ABLIM1: variants seen among roughly 807,000 people sequenced by gnomAD.
The protein encoded by ABLIM1 is actin-binding LIM protein 1.
In ABLIM1, 40 loss-of-function variants were observed where a neutral mutation model predicts 107.0. That is an observed-to-expected ratio of 0.37 (90% confidence interval 0.29 to 0.49). ABLIM1 has a LOEUF of 0.49. ABLIM1 is among the 20% of genes least tolerant of loss of function. The probability of loss-of-function intolerance (pLI) is 0.97; values close to 1 mark genes in which losing one functional copy is unlikely to be tolerated. For synonymous variants in ABLIM1, 357 were observed against 357.3 expected (o/e 1.00, Z 0.01); for missense variants, 857 against 1,008.5 (o/e 0.85, Z 2.04).
intron 4 of ABLIM1, among the ~76,000 whole-genome samples, chr10:114,567,069 G>A (rs1226850319): frequency 6.6e-6 from 1 of 152,116 alleles, no homozygotes; most frequent in Non-Finnish European, 1.5e-5. Flanking sequence ...ACTGTCTGGT[G>A]GTTTCCATTC....
chr10:114,512,169 A>C (rs1565718910), intron 6 of ABLIM1, among the ~76,000 whole-genome samples: 1 of 152,224 alleles, frequency 6.6e-6, no homozygotes, highest in Non-Finnish European at 1.5e-5. Context: ...GGGTCTATTA[A>C]AGACAGGAGC....
At chr10:114,614,694 C>A (rs1373329372) in intron 1 of ABLIM1, among the ~76,000 whole-genome samples, 1 of 152,098 alleles carries the variant, frequency 6.6e-6, no homozygotes, top group Admixed American at 6.6e-5. Context: ...ATTAGGATAT[C>A]CCTATGAGTA....
chr10:114,610,501 C>G (rs2076733876), intron 1 of ABLIM1: 1 of 152,206 alleles, frequency 6.6e-6, no homozygotes, highest in Non-Finnish European at 1.5e-5. Context: ...AAACACATAT[C>G]ACAGAGATGT....
chr10:114,670,775 G>A (rs1355545552), intron 1 of ABLIM1, among the ~76,000 whole-genome samples: 3 of 152,232 alleles, frequency 2.0e-5, no homozygotes, highest in African/African-American at 4.8e-5. Context: ...GATTATAGGC[G>A]TAAGCCTCTG....
At chr10:114,445,468 T>C (rs1322030004) in intron 15 of ABLIM1, 65 bp from the exon 16 acceptor site, 27 of 1,358,700 alleles carry the variant, frequency 2.0e-5, no homozygotes, top group Non-Finnish European at 2.7e-5. Context: ...AACGGGCTAG[T>C]CCATCTGTGT....
Position 114,447,983 on chromosome 10 carries a change from G to A in ABLIM1, c.1632C>T (p.Ile544=), listed in dbSNP as rs759037324. The A allele has an allele frequency of 3.7e-6, 6 of 1,614,130 alleles. No individual in the cohort carries two copies. The highest frequency in any genetic ancestry group is 3.3e-5 in the Admixed American group (2 of 60,006). The stretch of plus-strand genomic sequence containing the variant: ...CTGCTGGGAACTTGGAAAACTTGAT[G>A]ATATCTTCTGAGGACTTGCTCTGGG... ...LAAQSKSSED[I]IKFSKFPAAQ... The change falls in exon 15 of 23, where the codon ATC becomes ATT. Residue 544 remains isoleucine, a synonymous_variant. Coordinates refer to ENST00000533213, the MANE Select transcript of ABLIM1 (RefSeq NM_002313.7).
chr10:114,772,808 A>AAT (rs1485388926), upstream of ABLIM1, among the ~76,000 whole-genome samples: 1 of 152,158 alleles, frequency 6.6e-6, no homozygotes, highest in Non-Finnish European at 1.5e-5. Flanking sequence ...CAAGAGATAA[A>AAT]ATATATATAA....
intron 6 of ABLIM1, among the ~76,000 whole-genome samples, chr10:114,527,870 C>T (rs2065015208): frequency 6.8e-6 from 1 of 147,328 alleles, no homozygotes; most frequent in Non-Finnish European, 1.5e-5. Flanking sequence ...CGGAGTCTCG[C>T]TCTGTTGCCC....
intron 4 of ABLIM1, among the ~76,000 whole-genome samples, chr10:114,566,269 A>G (rs1371507951): frequency 6.6e-6 from 1 of 152,154 alleles, no homozygotes; most frequent in Non-Finnish European, 1.5e-5. Flanking sequence ...GCCATCAGAC[A>G]CTAGTCAGAC....
At chr10:114,640,348 G>A (rs922892292) in intron 1 of ABLIM1, among the ~76,000 whole-genome samples, 6 of 152,182 alleles carry the variant, frequency 3.9e-5, no homozygotes, top group African/African-American at 1.4e-4. Context: ...CCAACATGGC[G>A]AAACCTCGTC....
chr10:114,512,194 G>GT (rs1036317004), intron 6 of ABLIM1, among the ~76,000 whole-genome samples: 3 of 152,134 alleles, frequency 2.0e-5, no homozygotes, highest in Admixed American at 2.0e-4. Context: ...ACAAAAGGAT[G>GT]TTTTTTTCCT....
chr10:114,680,487 A>G (rs2080699445), intron 1 of ABLIM1, among the ~76,000 whole-genome samples: 1 of 152,230 alleles, frequency 6.6e-6, no homozygotes, highest in African/African-American at 2.4e-5. Context: ...AATTTACCAA[A>G]GAACAATCAT....
At chr10:114,524,244 A>G (rs1265470561) in intron 6 of ABLIM1, among the ~76,000 whole-genome samples, 1 of 152,234 alleles carries the variant, frequency 6.6e-6, no homozygotes, top group Non-Finnish European at 1.5e-5. Flanking sequence ...AAACACCAAG[A>G]AAAAGCAGCA....
intron 1 of ABLIM1, among the ~76,000 whole-genome samples, chr10:114,741,216 CTTTT>C (rs751287379): frequency 1.7e-5 from 1 of 59,890 alleles, no homozygotes; most frequent in African/African-American, 6.9e-5. Flanking sequence ...GACTATTCTT[CTTTT>C]TTTTTTTTTT....
chr10:114,496,567 T>C (rs1298105126), intron 6 of ABLIM1, among the ~76,000 whole-genome samples: 1 of 152,168 alleles, frequency 6.6e-6, no homozygotes, highest in Non-Finnish European at 1.5e-5. Context: ...ACCTAGGTGA[T>C]GGGTTGCCAG....
chr10:114,778,616 C>CACACACA, the ABLIM1 span: 15 of 145,866 alleles, frequency 1.0e-4, no homozygotes, highest in African/African-American at 3.9e-4. Flanking sequence ...CACACACATA[C>CACACACA]ATTTTAACAA....
At chr10:114,786,727 C>T in the ABLIM1 span, among the ~76,000 whole-genome samples, 3 of 152,372 alleles carry the variant, frequency 2.0e-5, no homozygotes, top group East Asian at 5.8e-4. Flanking sequence ...CAGCTCCTAA[C>T]CGCGAGTGAT....
At chr10:114,659,595 T>C (rs1173904960), upstream of ABLIM1, among the ~76,000 whole-genome samples, 1 of 152,146 alleles carries the variant, frequency 6.6e-6, no homozygotes, top group Admixed American at 6.5e-5. Context: ...GGAACTTACA[T>C]TTCTTTTCTT....
chr10:114,597,091 G>A (rs1024777940), intron 2 of ABLIM1, among the ~76,000 whole-genome samples: 4 of 152,150 alleles, frequency 2.6e-5, no homozygotes, highest in Non-Finnish European at 5.9e-5. Context: ...AAAATCCTCT[G>A]TCCCAGGACA....
Sources: gnomAD v4.1 joint callset for allele counts (sites outside exome capture counted in the v4.1 genomes callset) on GRCh38, gnomAD v4.1.1 for gene constraint, MANE v1.5 for transcripts, NCBI Gene and HGNC (gene_info 2026-07-23, HGNC 2026-07-21) for gene names.